The following TAF1 variants were observed in gnomAD, a reference collection of about 807,000 sequenced individuals.
TAF1 encodes transcription initiation factor TFIID subunit 1.
Under a neutral mutation model 138.5 loss-of-function variants are expected in TAF1, and 2 were observed. The ratio of observed to expected loss-of-function variants is 0.01; its 90% CI spans 0.01 to 0.05. The LOEUF is 0.05. Among genes scored for constraint, TAF1 ranks in the 10% least tolerant of loss-of-function variants. The pLI is 1.00. For synonymous variants in TAF1, 437 were observed against 503.2 expected (o/e 0.87, Z 1.76); for missense variants, 709 against 1,478.0 (o/e 0.48, Z 8.53).
At position 71,391,802 on chromosome X, in the gene TAF1, CT is replaced by C. The variant is rs1050216090; in HGVS notation, c.2782-763del. On this transcript the variant is annotated intron_variant, in intron 18 of 37. Transcript: ENST00000423759. Reference sequence around the variant, plus strand: ...CCACCACGCCTGGCTAATTTTTGTACTTTTAGTAGAGATGGGGTTTCACCAT... The same window carrying C: ...CCACCACGCCTGGCTAATTTTTGTACTTTAGTAGAGATGGGGTTTCACCAT... Among the ~76,000 whole-genome samples, 4 of 108,971 alleles carry C rather than the reference CT, an allele frequency of 3.7e-5. No homozygotes were observed. In the Admixed American group the frequency reaches 4.0e-4, roughly 11 times the overall value. The allele number at this position is 108,971 out of a possible 115,157, so 94.6% of individuals were successfully genotyped here.
chrX:71,379,955 C>T lies in TAF1; in HGVS notation c.1360+924C>T, dbSNP rs779520529. ...CAGTACTTTATAGTATATTTTTGTT[C>T]CCAAGTCCCTTTGTATTTAGAATTC... On this transcript the variant is annotated intron_variant, in intron 8 of 37. Transcript: ENST00000423759. 6.3e-5 allele frequency among the ~76,000 whole-genome samples: 7 copies of T among 110,691 alleles called. No individual in the cohort carries two copies. In the South Asian group the frequency reaches 2.6e-3, roughly 41 times the overall value.
At chrX:71,431,186 C>A (rs1033548800) in intron 32 of TAF1, among the ~76,000 whole-genome samples, 2 of 107,876 alleles carry the variant, frequency 1.9e-5, no homozygotes, top group Non-Finnish European at 1.9e-5. Context: ...CCTCAGCCTC[C>A]CAAGTAGCTG....
rs1161129315 is a variant in TAF1, at chrX:71,503,298, G to GTATA, written c.1367-25224_1367-25221dup. Among the ~76,000 whole-genome samples, 629 of 80,230 alleles carry GTATA rather than the reference G, an allele frequency of 7.8e-3. 6 individuals are homozygous for GTATA. Among genetic ancestry groups the GTATA allele is most frequent in the African/African-American group, 0.024 (483 of 20,094 alleles). The allele number at this position is 80,230 out of a possible 115,157, so 69.7% of individuals were successfully genotyped here. On this transcript the variant is annotated intron_variant and NMD_transcript_variant, in intron 13 of 14. Coordinates refer to the TAF1 transcript ENST00000373775. The stretch of plus-strand genomic sequence containing the variant: ...AAAAAATATATATATATATATATGT[G>GTATA]TATATATATATATATATATATATGT...
At chrX:71,401,822 T>C in intron 25 of TAF1, 83 bp downstream of exon 25, 1 of 923,292 alleles carries the variant, frequency 1.1e-6, no homozygotes, top group Non-Finnish European at 1.5e-6. Flanking sequence ...GTAGATGTGA[T>C]GTGTTCTCTG....
intron 13 of TAF1, among the ~76,000 whole-genome samples, chrX:71,514,796 A>G (rs1204261890): frequency 4.5e-5 from 5 of 111,651 alleles, no homozygotes; most frequent in Non-Finnish European, 9.4e-5. Flanking sequence ...AGTGAAGGAT[A>G]TGTAAGAATT....
chrX:71,378,012 G>A, intron 6 of TAF1, 191 bp downstream of exon 6: 1 of 638,931 alleles, frequency 1.6e-6, no homozygotes, highest in Non-Finnish European at 2.3e-6. Context: ...ATGTTTGGTG[G>A]GGTAGGCGGG....
At chrX:71,384,521 C>A (rs1170908650) in intron 13 of TAF1, among the ~76,000 whole-genome samples, 1 of 110,085 alleles carries the variant, frequency 9.1e-6, no homozygotes, top group Non-Finnish European at 1.9e-5. Context: ...GGCAATTCTT[C>A]TGCCTCAGCC....
chrX:71,509,083 C>T, intron 13 of TAF1, among the ~76,000 whole-genome samples: 1 of 110,656 alleles, frequency 9.0e-6, no homozygotes. Flanking sequence ...GCTGGGATTA[C>T]AGGCATGAGC....
intron 35 of TAF1, among the ~76,000 whole-genome samples, chrX:71,458,923 G>A (rs1470716325): frequency 9.0e-6 from 1 of 111,139 alleles, no homozygotes; most frequent in Non-Finnish European, 1.9e-5. Flanking sequence ...TAATAATACA[G>A]TAAGAGTAGA....
At chrX:71,527,009 C>T (rs771583296) in intron 13 of TAF1, among the ~76,000 whole-genome samples, 51 of 108,461 alleles carry the variant, frequency 4.7e-4, no homozygotes, top group Non-Finnish European at 8.6e-4. Context: ...ACCACCATGC[C>T]CTGTGATCAT....
chrX:71,442,689 G>A (rs2037490238), intron 32 of TAF1, among the ~76,000 whole-genome samples: 1 of 111,778 alleles, frequency 8.9e-6, no homozygotes, highest in South Asian at 3.7e-4. Context: ...GTCAATTTTG[G>A]CTTTTGTTGC....
chrX:71,411,492 A>G (rs951169890), intron 28 of TAF1, among the ~76,000 whole-genome samples: 1 of 111,284 alleles, frequency 9.0e-6, no homozygotes, highest in Non-Finnish European at 1.9e-5. Context: ...AAAAAGAAAA[A>G]AAAAGATAAA....
exon 14 of TAF1, chrX:71,528,697 C>T (rs1286166753): frequency 3.0e-6 from 1 of 329,363 alleles, no homozygotes; most frequent in East Asian, 9.7e-5. Flanking sequence ...GTCTTGCTGA[C>T]TTCAAGAATG....
chrX:71,372,160 G>A lies in TAF1; in HGVS notation c.353-3007G>A, dbSNP rs1486061646. Reference sequence around the variant, plus strand: ...TGATACCTAGGGTCAGGCTGGGCGTGGTGGCTCACGCCTGTAATCCCAGCA... The same window carrying A: ...TGATACCTAGGGTCAGGCTGGGCGTAGTGGCTCACGCCTGTAATCCCAGCA... On this transcript the variant is annotated intron_variant, in intron 3 of 37. Transcript: ENST00000423759. Among the ~76,000 whole-genome samples the A allele has an allele frequency of 3.6e-5, 4 of 110,837 alleles. No individual in the cohort carries two copies. In the Admixed American group the frequency reaches 3.9e-4, roughly 11 times the overall value.
At chrX:71,369,130 G>A (rs754779739) in intron 3 of TAF1, among the ~76,000 whole-genome samples, 2 of 110,563 alleles carry the variant, frequency 1.8e-5, no homozygotes, top group South Asian at 3.8e-4. Context: ...GATTACAGGC[G>A]TGAGCCACCA....
Position 71,394,086 on chromosome X carries a change from G to A in TAF1, c.3247G>A (p.Val1083Ile), listed in dbSNP as rs2034716597. 1 of 1,208,943 alleles carries A rather than the reference G, an allele frequency of 8.3e-7. No individual in the cohort carries two copies. Reference protein sequence around the residue: ...LQNKVLSSTEVLSTDTDSSSA... With the variant: ...LQNKVLSSTEILSTDTDSSSA... The stretch of plus-strand genomic sequence containing the variant: ...TTTTAGGGTTCTGTCATCAACTGAA[G>A]TCTTATCAACTGACACAGACAGCAG... The change falls in exon 22 of 38, where the codon GTC becomes ATC. Residue 1083 changes from valine to isoleucine, a missense_variant. Physicochemically the swap from Val to Ile is conservative, Grantham distance 29. This residue lies in a region of TAF1 where 31 missense variants were observed against 52.2 expected (regional missense o/e 0.59). Transcript: ENST00000423759.
intron 18 of TAF1, chrX:71,389,882 G>A (rs2034462462): frequency 3.6e-6 from 1 of 277,486 alleles, no homozygotes; most frequent in Admixed American, 6.9e-5. Context: ...TTTGTTTTTT[G>A]ACAGAATCTT....
At chrX:71,411,486 A>AG (rs1186797669) in intron 28 of TAF1, among the ~76,000 whole-genome samples, 1 of 111,301 alleles carries the variant, frequency 9.0e-6, no homozygotes, top group Non-Finnish European at 1.9e-5. Flanking sequence ...CTCAAAAAAA[A>AG]GAAAAAAAAA....
intron 28 of TAF1, among the ~76,000 whole-genome samples, chrX:71,412,533 A>G (rs938111071): frequency 1.3e-4 from 15 of 112,283 alleles, no homozygotes; most frequent in African/African-American, 4.2e-4. Flanking sequence ...AATGCAAATA[A>G]TGCATCTGTG....
Sources: gnomAD v4.1 joint callset for allele counts (sites outside exome capture counted in the v4.1 genomes callset) on GRCh38, gnomAD v4.1.1 for gene constraint, gnomAD v4.1.1 regional missense constraint, MANE v1.5 for transcripts, NCBI Gene and HGNC (gene_info 2026-07-23, HGNC 2026-07-21) for gene names.